WDPCP: variants seen among roughly 807,000 people sequenced by gnomAD.
The protein encoded by WDPCP is WD repeat containing planar cell polarity effector.
WDPCP carries 71 observed loss-of-function variants against 93.1 expected under a neutral mutation model. That is an observed-to-expected ratio of 0.76 (90% CI 0.63 to 0.93). The LOEUF is 0.93. WDPCP is among the 40% of genes least tolerant of loss of function. The probability of loss-of-function intolerance (pLI) is 0.00; values close to 1 mark genes in which losing one functional copy is unlikely to be tolerated. For synonymous variants in WDPCP, 315 were observed against 315.0 expected (o/e 1.00, Z 0.00); for missense variants, 844 against 887.4 (o/e 0.95, Z 0.62).
At position 63,156,251 on chromosome 2, in the gene WDPCP, C is replaced by T. The variant is rs796729488; in HGVS notation, c.2079-2677G>A. On this transcript the variant is annotated intron_variant, in intron 15 of 17. Transcript: ENST00000272321. ...CTCCTGACCTCATGTGATCCGCCCT[C>T]CTAGGCCTCCCAAAGTGTTGGGATT... 8.2e-4 allele frequency among the ~76,000 whole-genome samples: 125 copies of T among 152,130 alleles called. 1 individual carries two copies. The highest frequency in any genetic ancestry group is 2.7e-3 in the African/African-American group (114 of 41,528).
rs551684774 is a variant in WDPCP at position 63,796,453 on chromosome 2, G to A, written n.308+17169C>T. 4.6e-4 allele frequency among the ~76,000 whole-genome samples: 70 copies of A among 152,320 alleles called. 1 individual carries two copies. The highest frequency in any genetic ancestry group is 1.6e-3 in the African/African-American group (67 of 41,560). On this transcript the variant is annotated intron_variant and non_coding_transcript_variant, in intron 2 of 4. Transcript: ENST00000467687. Reference sequence around the variant, plus strand: ...GGCTTTAACTTCATATCATTGAAAGGGGCACTGCAGAGTGTAAGACAGTCT... The same window carrying A: ...GGCTTTAACTTCATATCATTGAAAGAGGCACTGCAGAGTGTAAGACAGTCT...
At chr2:63,216,052 A>T (rs1223286757) in intron 14 of WDPCP, among the ~76,000 whole-genome samples, 3 of 152,200 alleles carry the variant, frequency 2.0e-5, no homozygotes, top group Non-Finnish European at 4.4e-5. Flanking sequence ...AAAAGTCAGG[A>T]AACAACATGT....
chr2:63,695,978 A>G (rs931505628), intron 2 of WDPCP, among the ~76,000 whole-genome samples: 1 of 152,152 alleles, frequency 6.6e-6, no homozygotes, highest in African/African-American at 2.4e-5. Context: ...TTAACTGACC[A>G]TTTGATTTGG....
intron 1 of WDPCP, among the ~76,000 whole-genome samples, chr2:63,524,258 T>C (rs1308165943): frequency 6.6e-6 from 1 of 151,336 alleles, no homozygotes; most frequent in Non-Finnish European, 1.5e-5. Context: ...TGGGAAAAGC[T>C]ATTCTAAAAT....
chr2:63,242,334 A>G (rs1461174960), intron 14 of WDPCP, among the ~76,000 whole-genome samples: 1 of 152,206 alleles, frequency 6.6e-6, no homozygotes, highest in African/African-American at 2.4e-5. Context: ...AAATTTGTAG[A>G]CCGCCACATT....
chr2:63,165,643 A>C (rs1261625373), intron 15 of WDPCP, among the ~76,000 whole-genome samples: 2 of 150,646 alleles, frequency 1.3e-5, no homozygotes, highest in African/African-American at 4.9e-5. Flanking sequence ...GGTGTGCTTC[A>C]GATTTCTAAA....
chr2:63,369,133 T>C, intron 12 of WDPCP: 1 of 221,068 alleles, frequency 4.5e-6, no homozygotes, highest in East Asian at 9.2e-5. Flanking sequence ...TGGTAAAGGC[T>C]GTCCTCATCC....
At chr2:63,520,813 A>G (rs1016753939) in intron 1 of WDPCP, among the ~76,000 whole-genome samples, 8 of 151,504 alleles carry the variant, frequency 5.3e-5, no homozygotes, top group Non-Finnish European at 1.0e-4. Context: ...GGAGGATCAC[A>G]TGAGCCTGGG....
At chr2:63,658,636 G>A (rs1000293504) in intron 2 of WDPCP, among the ~76,000 whole-genome samples, 1 of 152,150 alleles carries the variant, frequency 6.6e-6, no homozygotes, top group Non-Finnish European at 1.5e-5. Flanking sequence ...ATGTAACTTA[G>A]CAATTCCCAA....
At chr2:63,174,456 G>T (rs1164125769) in intron 15 of WDPCP, among the ~76,000 whole-genome samples, 1 of 152,084 alleles carries the variant, frequency 6.6e-6, no homozygotes, top group Non-Finnish European at 1.5e-5. Context: ...TTGGCCCAGA[G>T]TAACATTTAT....
intron 10 of WDPCP, among the ~76,000 whole-genome samples, chr2:63,386,337 A>C (rs1006879475): frequency 6.6e-6 from 1 of 152,100 alleles, no homozygotes; most frequent in Non-Finnish European, 1.5e-5. Context: ...CATAAAATAT[A>C]CATAAAAAAT....
upstream of WDPCP, among the ~76,000 whole-genome samples, chr2:63,592,217 G>A (rs564082493): frequency 8.2e-4 from 125 of 152,190 alleles, no homozygotes; most frequent in Non-Finnish European, 1.4e-3. Flanking sequence ...TTCATCAGTG[G>A]ATTTATAAGG....
At chr2:63,280,695 C>A (rs543681294) in intron 13 of WDPCP, among the ~76,000 whole-genome samples, 1 of 152,280 alleles carries the variant, frequency 6.6e-6, no homozygotes, top group South Asian at 2.1e-4. Flanking sequence ...GCTAACTGAT[C>A]TTCAACAAAG....
At chr2:63,522,997 A>T (rs575710187) in intron 1 of WDPCP, among the ~76,000 whole-genome samples, 3 of 152,260 alleles carry the variant, frequency 2.0e-5, no homozygotes, top group South Asian at 4.1e-4. Flanking sequence ...TGGCAGAGAC[A>T]CACACAAAAA....
rs528177739 is a variant in WDPCP at position 63,673,423 on chromosome 2, T to C, written n.309-22585A>G. ...GAAAGAAGATTGGGTAGGAAGAGTC[T>C]CAAATACTGCAGTTCTGAGCAAGTT... On this transcript the variant is annotated intron_variant and non_coding_transcript_variant, in intron 2 of 4. Coordinates refer to the WDPCP transcript ENST00000467687. Among the ~76,000 whole-genome samples, 6 of 152,228 alleles carry C rather than the reference T, an allele frequency of 3.9e-5. No individual in the cohort carries two copies. In the East Asian group the frequency reaches 1.2e-3, roughly 29 times the overall value.
At chr2:63,449,377 C>T (rs1266497146) in intron 6 of WDPCP, among the ~76,000 whole-genome samples, 2 of 152,138 alleles carry the variant, frequency 1.3e-5, no homozygotes, top group African/African-American at 4.8e-5. Context: ...AGATACCCCC[C>T]CACTTTCCAG....
intron 17 of WDPCP, among the ~76,000 whole-genome samples, chr2:63,148,634 CACT>C (rs1224515861): frequency 6.6e-6 from 1 of 151,316 alleles, no homozygotes; most frequent in Non-Finnish European, 1.5e-5. Flanking sequence ...AGGTGTGAAC[CACT>C]ACTCCTGGCT....
chr2:63,669,345 A>G (rs1342897052), intron 2 of WDPCP, among the ~76,000 whole-genome samples: 1 of 140,408 alleles, frequency 7.1e-6, no homozygotes, highest in African/African-American at 2.7e-5. Context: ...TACAATGTCT[A>G]ATTTTTTATT....
At chr2:63,151,600 A>C (rs1041711730) in intron 17 of WDPCP, among the ~76,000 whole-genome samples, 1 of 152,174 alleles carries the variant, frequency 6.6e-6, no homozygotes, top group African/African-American at 2.4e-5. Flanking sequence ...TTTATGGTAA[A>C]GTTTCTTGAA....
Sources: allele counts gnomAD v4.1 joint callset (sites outside exome capture counted in the v4.1 genomes callset), GRCh38; gene constraint gnomAD v4.1.1; transcripts MANE v1.5; gene names NCBI Gene and HGNC (gene_info 2026-07-23, HGNC 2026-07-21).